Variants in FLNB observed in about 807,000 individuals in gnomAD.
FLNB encodes the protein filamin-B.
Under a neutral mutation model 250.6 loss-of-function variants are expected in FLNB, and 111 were observed. The observed-to-expected ratio is 0.44, with a 90% confidence interval of 0.38 to 0.52. The LOEUF is 0.52. FLNB is among the 20% of genes least tolerant of loss of function. The probability of loss-of-function intolerance (pLI) is 0.00; values close to 1 mark genes in which losing one functional copy is unlikely to be tolerated. For synonymous variants in FLNB, 1,302 were observed against 1,372.1 expected (o/e 0.95, Z 1.13); for missense variants, 2,869 against 3,447.8 (o/e 0.83, Z 4.20).
intron 1 of FLNB, among the ~76,000 whole-genome samples, chr3:58,061,746 C>A (rs2097178849): frequency 7.0e-6 from 1 of 142,542 alleles, no homozygotes; most frequent in African/African-American, 2.7e-5. Context: ...CTCCCCCTGG[C>A]CTCCAAAAAA....
intron 4 of FLNB, among the ~76,000 whole-genome samples, chr3:58,092,303 A>G (rs986899633): frequency 1.3e-5 from 2 of 152,176 alleles, no homozygotes; most frequent in Non-Finnish European, 2.9e-5. Flanking sequence ...TGCTGGTGGG[A>G]ATGTAAAATG....
At chr3:58,152,611 G>A in intron 38 of FLNB, 1 of 389,630 alleles carries the variant, frequency 2.6e-6, no homozygotes, top group Non-Finnish European at 4.5e-6. Context: ...ATTGTTGGGG[G>A]TAGGGTTTCA....
chr3:58,123,588 T>G lies in FLNB; in HGVS notation c.3622T>G (p.Tyr1208Asp). 6.2e-7 allele frequency: 1 copy of G among 1,609,800 alleles called. No individual in the cohort carries two copies. The highest frequency in any genetic ancestry group is 8.5e-7 in the Non-Finnish European group (1 of 1,179,184). Residue 1208 changes from tyrosine (Y) to aspartate (D), a missense_variant, in exon 21 of 46, where the codon TAT becomes GAT. Physicochemically the swap from Tyr to Asp is radical, Grantham distance 160. This residue lies in a region of FLNB where 1,348 missense variants were observed against 1,466.7 expected (regional missense o/e 0.92). Transcript: ENST00000295956. ...TAGMYTLTMK[Y>D]GGELVPHFPA... The stretch of plus-strand genomic sequence containing the variant: ...CGGCATGTACACGTTGACCATGAAG[T>G]ATGGTGGCGAACTCGTGCCACACTT...
At chr3:58,058,031 C>T (rs895707010) in intron 1 of FLNB, among the ~76,000 whole-genome samples, 6 of 152,112 alleles carry the variant, frequency 3.9e-5, no homozygotes, top group African/African-American at 1.2e-4. Context: ...TCAGGTGATC[C>T]GCCTGCCTTG....
chr3:58,044,967 T>C (rs1033630362), intron 1 of FLNB, among the ~76,000 whole-genome samples: 9 of 152,262 alleles, frequency 5.9e-5, no homozygotes, highest in African/African-American at 2.2e-4. Context: ...TGCTGATTAC[T>C]TCCAGGGTAT....
chr3:58,122,357 G>C (rs2097290479), intron 20 of FLNB, among the ~76,000 whole-genome samples: 2 of 151,562 alleles, frequency 1.3e-5, no homozygotes, highest in African/African-American at 4.9e-5. Flanking sequence ...GCTGGGTGTG[G>C]TGACGCATGC....
chr3:58,014,446 G>A (rs147307938), intron 1 of FLNB, among the ~76,000 whole-genome samples: 241 of 152,370 alleles, frequency 1.6e-3, no homozygotes, highest in African/African-American at 5.6e-3. Flanking sequence ...TCCAGATGGT[G>A]GTTGGGCCTC....
At chr3:58,095,563 A>G (rs2097237124) in intron 5 of FLNB, among the ~76,000 whole-genome samples, 1 of 152,058 alleles carries the variant, frequency 6.6e-6, no homozygotes, top group Non-Finnish European at 1.5e-5. Context: ...GCCTCAGTTG[A>G]GGTTTTATAT....
chr3:58,082,244 C>T (rs1468320535), intron 4 of FLNB, among the ~76,000 whole-genome samples: 2 of 152,134 alleles, frequency 1.3e-5, no homozygotes, highest in Non-Finnish European at 2.9e-5. Context: ...TTTATGACTG[C>T]GAGGCAGCTG....
intron 36 of FLNB, chr3:58,149,116 G>T (rs904985687): frequency 4.1e-6 from 2 of 486,884 alleles, no homozygotes; most frequent in Non-Finnish European, 7.5e-6. Flanking sequence ...ACAACACCTC[G>T]CAAACCCCTG....
chr3:58,052,718 T>C (rs1283040801), intron 1 of FLNB, among the ~76,000 whole-genome samples: 1 of 152,212 alleles, frequency 6.6e-6, no homozygotes, highest in Non-Finnish European at 1.5e-5. Flanking sequence ...TGAACTGACC[T>C]GCCCCAAGTG....
intron 19 of FLNB, among the ~76,000 whole-genome samples, chr3:58,120,848 C>A (rs568070643): frequency 6.6e-6 from 1 of 152,288 alleles, no homozygotes; most frequent in South Asian, 2.1e-4. Context: ...TGGCAGGCTG[C>A]TGCATATGTC....
At chr3:58,138,864 T>A (rs1273688575) in intron 29 of FLNB, among the ~76,000 whole-genome samples, 5 of 152,096 alleles carry the variant, frequency 3.3e-5, no homozygotes, top group Non-Finnish European at 7.4e-5. Flanking sequence ...ACATGACAGG[T>A]TTTTAACCGG....
In FLNB at chr3:58,170,588, G is replaced by A. The variant is rs753039130; in HGVS notation, c.7635G>A (p.Leu2545=). ...TTTGCCTCCTAGGCTCCAACATGCT[G>A]CTGATCGGGGTCCATGGGCCCACCA... ...VDCSKAGSNM[L]LIGVHGPTTP... is the part of the protein sequence containing the mutation. The change falls in exon 46 of 46, where the codon CTG becomes CTA. Residue 2545 remains leucine, a synonymous_variant. Coordinates refer to ENST00000295956, the MANE Select transcript of FLNB (RefSeq NM_001457.4). 1 of 1,614,104 alleles carries A rather than the reference G, an allele frequency of 6.2e-7. No homozygotes were observed. The highest frequency in any genetic ancestry group is 8.5e-7 in the Non-Finnish European group (1 of 1,180,026).
intron 1 of FLNB, among the ~76,000 whole-genome samples, chr3:58,043,638 G>C (rs2097149419): frequency 6.6e-6 from 1 of 152,088 alleles, no homozygotes; most frequent in African/African-American, 2.4e-5. Context: ...CTATGTGGTG[G>C]CAGAAGGGCT....
At chr3:58,075,305 A>G (rs778062184) in intron 1 of FLNB, among the ~76,000 whole-genome samples, 7 of 152,118 alleles carry the variant, frequency 4.6e-5, no homozygotes, top group Non-Finnish European at 8.8e-5. Flanking sequence ...AGGAACTCAC[A>G]CATAAATGCT....
At chr3:58,071,193 A>G (rs951285581) in intron 1 of FLNB, among the ~76,000 whole-genome samples, 1 of 149,542 alleles carries the variant, frequency 6.7e-6, no homozygotes, top group Non-Finnish European at 1.5e-5. Context: ...GGCTCGAGCT[A>G]TCCTCCTGTC....
intron 29 of FLNB, 117 bp downstream of exon 29, chr3:58,138,646 T>C (rs1343101405): frequency 8.2e-6 from 11 of 1,341,626 alleles, no homozygotes; most frequent in African/African-American, 1.4e-5. Flanking sequence ...GGAAAAAAAT[T>C]TGTTAAGCAG....
In FLNB at chr3:58,108,641, G is replaced by A. The variant is rs576951698; in HGVS notation, c.2055+70G>A. ...AGATCTGACCACGTAATGGCAAGTT[G>A]CTGAGTCCATCTGATCTTCAGTTTC... is the stretch of plus-strand genomic sequence containing the variant. On this transcript the variant is annotated intron_variant, in intron 13 of 45. Coordinates refer to ENST00000295956, the MANE Select transcript of FLNB (RefSeq NM_001457.4). 7.1e-5 allele frequency: 66 copies of A among 927,924 alleles called. No individual in the cohort carries two copies. In the East Asian group the frequency reaches 1.6e-3, roughly 23 times the overall value. 57.5% of individuals were successfully genotyped at this position (927,924 alleles called of 1,614,324 possible). A position where few individuals can be genotyped will look rare whatever the true frequency, so the allele number is the denominator to read the frequency against.
Sources: gnomAD v4.1 joint callset for allele counts (sites outside exome capture counted in the v4.1 genomes callset) on GRCh38, gnomAD v4.1.1 for gene constraint, gnomAD v4.1.1 regional missense constraint, MANE v1.5 for transcripts, NCBI Gene and HGNC (gene_info 2026-07-23, HGNC 2026-07-21) for gene names.